USP37: variants seen among roughly 807,000 people sequenced by gnomAD.
The protein encoded by USP37 is ubiquitin carboxyl-terminal hydrolase 37.
Under a neutral mutation model 124.0 loss-of-function variants are expected in USP37, and 27 were observed. The ratio of observed to expected loss-of-function variants is 0.22; its 90% CI spans 0.16 to 0.30. The LOEUF (loss-of-function observed/expected upper bound fraction) is 0.30. Ranked by LOEUF, USP37 falls within the 10% of genes least tolerant of loss-of-function variation. The pLI is 1.00. For synonymous variants in USP37, 365 were observed against 388.0 expected, an observed-to-expected ratio of 0.94 and a Z score of 0.70; for missense variants, 889 against 1,140.4, an observed-to-expected ratio of 0.78 and a Z score of 3.17.
At chr2:218,563,326 CATA>C (rs1462715533) in intron 1 of USP37, among the ~76,000 whole-genome samples, 1 of 152,138 alleles carries the variant, frequency 6.6e-6, no homozygotes, top group Admixed American at 6.6e-5. Context: ...ATCTGCTGTG[CATA>C]ATGAGGGATT....
intron 15 of USP37, among the ~76,000 whole-genome samples, 186 bp downstream of exon 15, chr2:218,488,118 G>A (rs1219793795): frequency 7.0e-6 from 1 of 142,440 alleles, no homozygotes; most frequent in African/African-American, 2.6e-5. Flanking sequence ...AGAGGTTGCA[G>A]TGAGCTGAGA....
chr2:218,564,899 CA>C (rs1425967069), intron 1 of USP37, among the ~76,000 whole-genome samples: 2 of 152,092 alleles, frequency 1.3e-5, no homozygotes, highest in Non-Finnish European at 2.9e-5. Context: ...TCTACACATA[CA>C]AAAATTATTA....
chr2:218,508,045 C>T (rs634590), intron 11 of USP37, among the ~76,000 whole-genome samples: 2 of 152,008 alleles, frequency 1.3e-5, no homozygotes. Flanking sequence ...CCACAGGCTT[C>T]ACCAGTAGAA....
intron 16 of USP37, 113 bp from the exon 17 acceptor site, chr2:218,482,347 GCCAAA>G: frequency 8.3e-7 from 1 of 1,202,488 alleles, no homozygotes; most frequent in Non-Finnish European, 1.1e-6. Context: ...AATCCATTTG[GCCAAA>G]CCAAAGACAC....
intron 22 of USP37, among the ~76,000 whole-genome samples, chr2:218,461,545 G>A (rs1033261250): frequency 1.3e-5 from 2 of 151,884 alleles, no homozygotes; most frequent in African/African-American, 2.4e-5. Context: ...CTAAGAATGT[G>A]AAGAACAGGA....
chr2:218,493,297 C>T (rs2105985868), intron 14 of USP37, among the ~76,000 whole-genome samples: 1 of 152,310 alleles, frequency 6.6e-6, no homozygotes, highest in Middle Eastern at 3.4e-3. Context: ...CCTATCCCCA[C>T]CCAGCTGGCA....
chr2:218,497,595 T>C (rs1574885810), intron 13 of USP37, 139 bp downstream of exon 13: 4 of 1,032,662 alleles, frequency 3.9e-6, no homozygotes, highest in East Asian at 5.6e-5. Flanking sequence ...GGTTTCGCCA[T>C]GTTGGCCAGG....
chr2:218,548,554 G>A (rs1334390591), intron 6 of USP37, among the ~76,000 whole-genome samples: 1 of 151,976 alleles, frequency 6.6e-6, no homozygotes, highest in Non-Finnish European at 1.5e-5. Flanking sequence ...TGTTGCCCAG[G>A]CTGGTCTCAA....
chr2:218,554,793 CAA>C (rs969869258), intron 4 of USP37, among the ~76,000 whole-genome samples: 3 of 147,766 alleles, frequency 2.0e-5, no homozygotes, highest in African/African-American at 4.9e-5. Flanking sequence ...TTTTGTTAAA[CAA>C]AAGTTTGTAA....
Position 218,546,250 on chromosome 2 carries a change from T to C in USP37, c.651A>G (p.Glu217=). Residue 217 remains glutamate (E), a synonymous_variant, in exon 8 of 26, where the codon GAA becomes GAG. Coordinates refer to ENST00000258399, the MANE Select transcript of USP37 (RefSeq NM_020935.3). ...ATGAATCATTTTCCTTAGGGTAATCTTCATTCAATTCTGAGCCAGTTGATA... is the reference window on the plus strand; with the variant it reads ...ATGAATCATTTTCCTTAGGGTAATCCTCATTCAATTCTGAGCCAGTTGATA... ...RMISTGSELN[E]DYPKENDSSS... is the part of the protein sequence containing the mutation. 1 of 1,613,224 alleles carries C rather than the reference T, an allele frequency of 6.2e-7. No individual in the cohort carries two copies. The highest frequency in any genetic ancestry group is 1.3e-5 in the African/African-American group (1 of 75,026).
At chr2:218,485,561 G>A in intron 16 of USP37, 103 bp downstream of exon 16, 5 of 1,243,832 alleles carry the variant, frequency 4.0e-6, no homozygotes, top group Non-Finnish European at 4.4e-6. Context: ...CATTTATTCA[G>A]TAATATTTGT....
chr2:218,498,058 T>C lies in USP37; in HGVS notation c.1125A>G (p.Pro375=), dbSNP rs749659793. 1.2e-6 allele frequency: 2 copies of C among 1,611,450 alleles called. No homozygotes were observed. Among genetic ancestry groups the C allele is most frequent in the East Asian group, 4.5e-5 (2 of 44,798 alleles). ...GTGCATTGAGTGGAATTTTCTTCCA[T>C]GGGATACCTTGTTTAAGCAAGTCAT... ...FANDLLKQGI[P]WKKIPLNALI... Residue 375 remains proline (P), a synonymous_variant, in exon 12 of 26, where the codon CCA becomes CCG. Coordinates refer to ENST00000258399, the MANE Select transcript of USP37 (RefSeq NM_020935.3).
chr2:218,497,246 A>T (rs1409995028), intron 13 of USP37, among the ~76,000 whole-genome samples: 1 of 146,760 alleles, frequency 6.8e-6, no homozygotes, highest in Admixed American at 6.9e-5. Flanking sequence ...AATTTTTTTT[A>T]ATCTTTAGTA....
chr2:218,472,746 A>G (rs1039340806), intron 20 of USP37, among the ~76,000 whole-genome samples: 1 of 152,142 alleles, frequency 6.6e-6, no homozygotes, highest in Non-Finnish European at 1.5e-5. Flanking sequence ...GATTACAGGC[A>G]TGAGCCACCG....
At chr2:218,491,449 G>A (rs1014815059) in intron 14 of USP37, among the ~76,000 whole-genome samples, 1 of 152,176 alleles carries the variant, frequency 6.6e-6, no homozygotes, top group Non-Finnish European at 1.5e-5. Flanking sequence ...CTCCAGATGA[G>A]AGCACAGGCA....
chr2:218,489,576 G>A (rs893406391), intron 14 of USP37, among the ~76,000 whole-genome samples: 3 of 151,638 alleles, frequency 2.0e-5, no homozygotes, highest in Admixed American at 6.6e-5. Context: ...CTGCCTCCCC[G>A]TTTCAAGCAA....
intron 11 of USP37, among the ~76,000 whole-genome samples, chr2:218,507,172 G>A (rs1438941914): frequency 6.6e-6 from 1 of 151,354 alleles, no homozygotes; most frequent in Non-Finnish European, 1.5e-5. Flanking sequence ...TTATTTATTT[G>A]TTTTTTTGAG....
chr2:218,485,252 T>C (rs908759235), intron 16 of USP37, among the ~76,000 whole-genome samples: 1 of 152,200 alleles, frequency 6.6e-6, no homozygotes, highest in Non-Finnish European at 1.5e-5. Flanking sequence ...GTTGCCATTT[T>C]CTTGGAACTC....
Position 218,476,966 on chromosome 2 carries a change from T to C in USP37, c.1917A>G (p.Lys639=). ...PSTPSKKFTF[K]SKSSLALCLD... is the part of the protein sequence containing the mutation. ...GGCATAAAGCCAAGGAGCTCTTGGA[T>C]TTGAAGGTGAATTTCCTGTAATTTA... is the stretch of plus-strand genomic sequence containing the variant. Residue 639 remains lysine (K), a synonymous_variant, in exon 19 of 26, where the codon AAA becomes AAG. Coordinates refer to ENST00000258399, the MANE Select transcript of USP37 (RefSeq NM_020935.3). 1 of 1,505,928 alleles carries C rather than the reference T, an allele frequency of 6.6e-7. No individual in the cohort carries two copies. Among genetic ancestry groups the C allele is most frequent in the Non-Finnish European group, 8.8e-7 (1 of 1,130,350 alleles). The allele number at this position is 1,505,928 out of a possible 1,614,324, so 93.3% of individuals were successfully genotyped here. A position where few individuals can be genotyped will look rare whatever the true frequency, so the allele number is the denominator to read the frequency against.
Sources: allele counts gnomAD v4.1 joint callset (sites outside exome capture counted in the v4.1 genomes callset), GRCh38; gene constraint gnomAD v4.1.1; transcripts MANE v1.5; gene names NCBI Gene and HGNC (gene_info 2026-07-23, HGNC 2026-07-21).